The following STON2 variants were observed in gnomAD, a reference collection of about 807,000 sequenced individuals.
STON2 encodes the protein stonin 2, also known as stonin-2.
A neutral mutation model predicts 65.7 loss-of-function variants in STON2; 29 were observed. The ratio of observed to expected loss-of-function variants is 0.44; its 90% confidence interval spans 0.33 to 0.60. The LOEUF (loss-of-function observed/expected upper bound fraction) is 0.60. Ranked by LOEUF, STON2 falls within the 20% of genes least tolerant of loss-of-function variation. The pLI is 0.03. For synonymous variants in STON2, 404 were observed against 414.2 expected (o/e 0.98, Z 0.30); for missense variants, 1,054 against 1,118.1 (o/e 0.94, Z 0.82).
At chr14:81,331,083 C>T (rs1211945667) in intron 4 of STON2, among the ~76,000 whole-genome samples, 3 of 152,142 alleles carry the variant, frequency 2.0e-5, no homozygotes, top group African/African-American at 4.8e-5. Flanking sequence ...CCTGAGAAAC[C>T]GGTGTGTATG....
intron 6 of STON2, among the ~76,000 whole-genome samples, chr14:81,275,069 G>T (rs1436332266): frequency 6.6e-6 from 1 of 152,038 alleles, no homozygotes; most frequent in Non-Finnish European, 1.5e-5. Flanking sequence ...TTTTCCTCAG[G>T]TCTCTGAGCT....
At chr14:81,356,371 G>T (rs895102441) in intron 4 of STON2, among the ~76,000 whole-genome samples, 3 of 152,210 alleles carry the variant, frequency 2.0e-5, no homozygotes, top group African/African-American at 7.2e-5. Flanking sequence ...CTTGATCGTG[G>T]TGGATAAGCT....
intron 4 of STON2, among the ~76,000 whole-genome samples, chr14:81,335,916 TGAAAAGG>T: frequency 6.6e-6 from 1 of 152,014 alleles, no homozygotes; most frequent in Non-Finnish European, 1.5e-5. Flanking sequence ...AGGAGGTACC[TGAAAAGG>T]TAACAAAAAC....
intron 2 of STON2, among the ~76,000 whole-genome samples, chr14:81,425,027 G>A (rs956297840): frequency 6.6e-6 from 1 of 152,152 alleles, no homozygotes; most frequent in African/African-American, 2.4e-5. Flanking sequence ...ATGTCTCACT[G>A]ACAGTAACTC....
chr14:81,430,785 T>C (rs1902196680), intron 1 of STON2, among the ~76,000 whole-genome samples: 1 of 152,180 alleles, frequency 6.6e-6, no homozygotes, highest in Admixed American at 6.5e-5. Context: ...TAGAAGATAA[T>C]ATTTTTCTAT....
At chr14:81,418,596 C>T (rs751415772) in intron 2 of STON2, among the ~76,000 whole-genome samples, 1 of 152,110 alleles carries the variant, frequency 6.6e-6, no homozygotes, top group Non-Finnish European at 1.5e-5. Context: ...ATTGTTAATC[C>T]TGATTATGTG....
chr14:81,365,243 C>G (rs1307416173), intron 4 of STON2, among the ~76,000 whole-genome samples: 1 of 152,196 alleles, frequency 6.6e-6, no homozygotes, highest in Non-Finnish European at 1.5e-5. Context: ...TGTTTGCTGG[C>G]TTTGGGTCTC....
At chr14:81,310,693 A>G (rs1896390189) in intron 5 of STON2, among the ~76,000 whole-genome samples, 1 of 152,176 alleles carries the variant, frequency 6.6e-6, no homozygotes, top group African/African-American at 2.4e-5. Context: ...TTTGTGTATC[A>G]GGATACGCTG....
At chr14:81,433,744 T>C (rs1019781932) in intron 1 of STON2, among the ~76,000 whole-genome samples, 1 of 152,234 alleles carries the variant, frequency 6.6e-6, no homozygotes, top group Non-Finnish European at 1.5e-5. Context: ...AAGCTGTTTC[T>C]TAAGCCTCAG....
chr14:81,270,353 G>A, intron 7 of STON2: 5 of 1,284,662 alleles, frequency 3.9e-6, no homozygotes, highest in Non-Finnish European at 4.9e-6. Context: ...CCAAAGTGCT[G>A]GGATTACAGG....
chr14:81,286,444 TTA>T (rs1895337146), intron 5 of STON2, among the ~76,000 whole-genome samples: 1 of 152,198 alleles, frequency 6.6e-6, no homozygotes, highest in South Asian at 2.1e-4. Context: ...CAGAAAAAGA[TTA>T]TGTCTTGCTG....
At chr14:81,327,357 C>G (rs1395715234) in intron 4 of STON2, among the ~76,000 whole-genome samples, 1 of 151,876 alleles carries the variant, frequency 6.6e-6, no homozygotes, top group Non-Finnish European at 1.5e-5. Context: ...CTTGAAGAAC[C>G]TGGTTCTTTG....
At chr14:81,353,208 T>C (rs143819582) in intron 4 of STON2, among the ~76,000 whole-genome samples, 90 of 152,280 alleles carry the variant, frequency 5.9e-4, no homozygotes, top group African/African-American at 2.1e-3. Flanking sequence ...TTTGAAAACA[T>C]GGGGAAAAGT....
chr14:81,316,844 C>G (rs1896640457), intron 5 of STON2, among the ~76,000 whole-genome samples: 1 of 152,030 alleles, frequency 6.6e-6, no homozygotes, highest in Non-Finnish European at 1.5e-5. Flanking sequence ...CATGGTGAAA[C>G]CCCGTCTCTA....
chr14:81,289,897 G>A (rs2140152720), intron 5 of STON2, among the ~76,000 whole-genome samples: 1 of 152,288 alleles, frequency 6.6e-6, no homozygotes, highest in Middle Eastern at 3.4e-3. Context: ...TTATCCTCCT[G>A]GTTATGTTGG....
At chr14:81,314,930 G>C (rs1896564044) in intron 5 of STON2, among the ~76,000 whole-genome samples, 1 of 152,024 alleles carries the variant, frequency 6.6e-6, no homozygotes, top group Admixed American at 6.6e-5. Context: ...CTGCAGCCTT[G>C]AACTCTTGGG....
At chr14:81,379,388 T>C (rs1182870298) in intron 3 of STON2, among the ~76,000 whole-genome samples, 1 of 152,068 alleles carries the variant, frequency 6.6e-6, no homozygotes. Context: ...ATTAAATAAA[T>C]GGAGAAAGAT....
chr14:81,406,223 A>G (rs1056913416), intron 2 of STON2, among the ~76,000 whole-genome samples: 4 of 152,128 alleles, frequency 2.6e-5, no homozygotes, highest in African/African-American at 9.7e-5. Context: ...TCACCTTGTG[A>G]TCAATACTCC....
intron 3 of STON2, 136 bp from the exon 4 acceptor site, chr14:81,371,321 G>T: frequency 1.3e-6 from 1 of 773,458 alleles, no homozygotes; most frequent in South Asian, 1.8e-5. Flanking sequence ...AGTCTTGTAT[G>T]GAGAGTATCA....
Sources: gnomAD v4.1 joint callset for allele counts (sites outside exome capture counted in the v4.1 genomes callset) on GRCh38, gnomAD v4.1.1 for gene constraint, MANE v1.5 for transcripts, NCBI Gene and HGNC (gene_info 2026-07-23, HGNC 2026-07-21) for gene names.